CPEB3: variants seen among roughly 807,000 people sequenced by gnomAD.
CPEB3 encodes the protein cytoplasmic polyadenylation element binding protein 3, also known as cytoplasmic polyadenylation element-binding protein 3.
CPEB3 carries 20 observed loss-of-function variants against 67.2 expected under a neutral mutation model. That is an observed-to-expected ratio of 0.30 (90% CI 0.21 to 0.43). CPEB3 has a LOEUF of 0.43. CPEB3 is among the 20% of genes least tolerant of loss of function. The probability of loss-of-function intolerance (pLI) is 1.00; values close to 1 mark genes in which losing one functional copy is unlikely to be tolerated. For synonymous variants in CPEB3, 376 were observed against 393.1 expected (o/e 0.96, Z 0.51); for missense variants, 746 against 968.6 (o/e 0.77, Z 3.05).
At chr10:92,066,764 G>T (rs1290839879) in intron 9 of CPEB3, among the ~76,000 whole-genome samples, 1 of 152,142 alleles carries the variant, frequency 6.6e-6, no homozygotes, top group African/African-American at 2.4e-5. Flanking sequence ...ATAAATTTTG[G>T]CTGGGCGCGA....
chr10:92,272,477 A>C (rs997225146), intron 1 of CPEB3, among the ~76,000 whole-genome samples: 3 of 152,180 alleles, frequency 2.0e-5, no homozygotes, highest in African/African-American at 7.2e-5. Context: ...GTTAGAAACC[A>C]TATATAGGCA....
chr10:92,213,210 C>G (rs1850180677), intron 2 of CPEB3, among the ~76,000 whole-genome samples: 1 of 152,178 alleles, frequency 6.6e-6, no homozygotes, highest in Non-Finnish European at 1.5e-5. Flanking sequence ...CTAAGACACT[C>G]CTTCTTCTAA....
chr10:92,189,779 G>C (rs1848874578), intron 3 of CPEB3, among the ~76,000 whole-genome samples: 1 of 143,398 alleles, frequency 7.0e-6, no homozygotes, highest in South Asian at 2.2e-4. Flanking sequence ...CGCAATCTCG[G>C]TCACTGCAAC....
chr10:92,250,432 G>A (rs1852245171), intron 1 of CPEB3, among the ~76,000 whole-genome samples: 1 of 151,968 alleles, frequency 6.6e-6, no homozygotes, highest in Non-Finnish European at 1.5e-5. Flanking sequence ...TTAAAATATT[G>A]CAATAAGCTA....
Position 92,052,039 on chromosome 10 carries a change from A to G in CPEB3, c.*173T>C. The G allele has an allele frequency of 5.2e-6, 3 of 578,552 alleles. No homozygotes were observed. Among genetic ancestry groups the G allele is most frequent in the Admixed American group, 3.0e-5 (1 of 33,370 alleles). The allele number at this position is 578,552 out of a possible 1,614,324, so 35.8% of individuals were successfully genotyped here. ...CAATTCTGCATTATACTGGACACTG[A>G]GTTCAGTAATATGACTGTAAATAAT... On this transcript the variant is annotated 3_prime_UTR_variant, in exon 10 of 10. Transcript: ENST00000265997.
intron 7 of CPEB3, among the ~76,000 whole-genome samples, chr10:92,109,400 G>T (rs974597508): frequency 2.0e-5 from 3 of 151,916 alleles, no homozygotes; most frequent in African/African-American, 7.3e-5. Context: ...TTACAGGCAC[G>T]TGCCACCACC....
chr10:92,153,478 T>C (rs146018528), intron 4 of CPEB3, among the ~76,000 whole-genome samples: 1 of 152,260 alleles, frequency 6.6e-6, no homozygotes, highest in Non-Finnish European at 1.5e-5. Flanking sequence ...TAGGAAATTC[T>C]GTTAAACATC....
At chr10:92,126,107 G>C (rs1845599049) in intron 6 of CPEB3, among the ~76,000 whole-genome samples, 1 of 152,142 alleles carries the variant, frequency 6.6e-6, no homozygotes, top group Non-Finnish European at 1.5e-5. Context: ...GTTAAAAAAT[G>C]AACTGGGTCA....
At chr10:92,137,662 A>C in intron 6 of CPEB3, 1 of 545,380 alleles carries the variant, frequency 1.8e-6, no homozygotes. Flanking sequence ...TGAAACCCTG[A>C]TTGTCACCCT....
At chr10:92,190,711 A>C in intron 3 of CPEB3, among the ~76,000 whole-genome samples, 1 of 147,244 alleles carries the variant, frequency 6.8e-6, no homozygotes, top group African/African-American at 2.5e-5. Flanking sequence ...AAGGAGGAGG[A>C]AAAACCAGAT....
chr10:92,262,468 C>T (rs1852845610), intron 1 of CPEB3, among the ~76,000 whole-genome samples: 1 of 152,130 alleles, frequency 6.6e-6, no homozygotes, highest in Admixed American at 6.5e-5. Flanking sequence ...CAGATGAGGA[C>T]TCTGAGGCTA....
intron 9 of CPEB3, among the ~76,000 whole-genome samples, chr10:92,069,356 G>T (rs1842668350): frequency 6.6e-6 from 1 of 152,088 alleles, no homozygotes; most frequent in Non-Finnish European, 1.5e-5. Context: ...ATAAAAAATT[G>T]ACTATTCTAA....
At chr10:92,264,711 G>A (rs1290187749) in intron 1 of CPEB3, among the ~76,000 whole-genome samples, 8 of 140,510 alleles carry the variant, frequency 5.7e-5, no homozygotes, top group African/African-American at 8.0e-5. Flanking sequence ...GCGAGACTCC[G>A]TCTCAAAAAA....
rs1196376850 is a variant in CPEB3 at position 92,289,838 on chromosome 10, T to TAA, written c.-12+1086_-12+1087dup. On this transcript the variant is annotated intron_variant, in intron 1 of 9. Coordinates refer to ENST00000265997, the MANE Select transcript of CPEB3 (RefSeq NM_014912.5). ...TTATATAATACATATATATTATATA[T>TAA]AATACAAATATATATAAAATATTAG... is the stretch of plus-strand genomic sequence containing the variant. Among the ~76,000 whole-genome samples the TAA allele has an allele frequency of 2.2e-3, 300 of 134,498 alleles. 2 individuals are homozygous for TAA. Among genetic ancestry groups the TAA allele is most frequent in the African/African-American group, 7.7e-3 (283 of 36,610 alleles). 88.2% of individuals were successfully genotyped at this position (134,498 alleles called of 152,430 possible).
At chr10:92,078,612 C>T (rs1438413777) in intron 9 of CPEB3, among the ~76,000 whole-genome samples, 4 of 152,140 alleles carry the variant, frequency 2.6e-5, no homozygotes, top group African/African-American at 9.7e-5. Flanking sequence ...AAGGACTACT[C>T]TGAGATATAA....
intron 6 of CPEB3, among the ~76,000 whole-genome samples, chr10:92,133,840 G>A (rs1398947940): frequency 6.6e-6 from 1 of 152,136 alleles, no homozygotes; most frequent in African/African-American, 2.4e-5. Flanking sequence ...CTTCATCCCT[G>A]GGATGCAAAG....
chr10:92,236,673 C>T (rs575913749), intron 2 of CPEB3, among the ~76,000 whole-genome samples: 16 of 152,178 alleles, frequency 1.1e-4, no homozygotes, highest in African/African-American at 3.9e-4. Context: ...TGCTTGAAAC[C>T]GGGAGGCAGA....
intron 8 of CPEB3, 111 bp from the exon 9 acceptor site, chr10:92,081,612 C>A: frequency 1.0e-6 from 1 of 961,518 alleles, no homozygotes; most frequent in East Asian, 2.6e-5. Context: ...AAAAGGAAAA[C>A]CCATGTTAAG....
intron 6 of CPEB3, among the ~76,000 whole-genome samples, chr10:92,142,143 C>T (rs998498116): frequency 2.0e-5 from 3 of 151,754 alleles, no homozygotes; most frequent in Non-Finnish European, 2.9e-5. Context: ...ACAATGAAAC[C>T]TAACAAACCG....
Sources: allele counts gnomAD v4.1 joint callset (sites outside exome capture counted in the v4.1 genomes callset), GRCh38; gene constraint gnomAD v4.1.1; transcripts MANE v1.5; gene names NCBI Gene and HGNC (gene_info 2026-07-23, HGNC 2026-07-21).